PDE1B: variants seen among roughly 807,000 people sequenced by gnomAD.
PDE1B encodes phosphodiesterase 1B, also known as dual specificity calcium/calmodulin-dependent 3',5'-cyclic nucleotide phosphodiesterase 1B.
PDE1B carries 13 observed loss-of-function variants against 66.7 expected under a neutral mutation model. That is an observed-to-expected ratio of 0.19 (90% CI 0.13 to 0.31). The LOEUF (loss-of-function observed/expected upper bound fraction) is 0.31, where lower values mean the gene tolerates loss of function less well. Ranked by LOEUF, PDE1B falls within the 10% of genes least tolerant of loss-of-function variation. The pLI, the probability that PDE1B is intolerant of heterozygous loss-of-function variation, is 1.00. For missense variants in PDE1B, 485 were observed against 682.3 expected (o/e 0.71, Z 3.22); for synonymous variants, 230 against 253.9 (o/e 0.91, Z 0.90).
chr12:54,570,556 T>C (rs1471596157), intron 6 of PDE1B, 199 bp downstream of exon 6: 1 of 564,774 alleles, frequency 1.8e-6, no homozygotes, highest in Non-Finnish European at 3.2e-6. Context: ...AATTGATTTC[T>C]AGGGGGAGAT....
Position 54,575,351 on chromosome 12 carries a change from G to GA in PDE1B, c.1185+133_1185+134insA. 1.2e-6 allele frequency: 1 copy of GA among 852,268 alleles called. No individual in the cohort carries two copies. The highest frequency in any genetic ancestry group is 1.9e-6 in the Non-Finnish European group (1 of 514,500). The allele number at this position is 852,268 out of a possible 1,614,324, so 52.8% of individuals were successfully genotyped here. On this transcript the variant is annotated intron_variant, in intron 11 of 15. Transcript: ENST00000243052. This position sits in a 1 kb window ranked among gnomAD's most constrained non-coding sequence, Gnocchi z 4.0. Reference sequence around the variant, plus strand: ...TCTGACCTGATCCCAAATCCTTGGGGTAAAACCCCATTATCCTAAAAGCCT... The same window carrying GA: ...TCTGACCTGATCCCAAATCCTTGGGGATAAAACCCCATTATCCTAAAAGCCT...
chr12:54,561,767 T>C (rs1592371205), intron 2 of PDE1B: 4 of 480,820 alleles, frequency 8.3e-6, no homozygotes, highest in East Asian at 3.2e-5. Flanking sequence ...TGTGCGTGTG[T>C]GTGTGTGTGT....
intron 2 of PDE1B, among the ~76,000 whole-genome samples, chr12:54,564,413 C>T (rs1957477029): frequency 6.6e-6 from 1 of 151,402 alleles, no homozygotes; most frequent in African/African-American, 2.4e-5. Flanking sequence ...GGGAGGATCA[C>T]TTGAGGCCAG....
At chr12:54,574,974 CA>C (rs35584396) in intron 10 of PDE1B, 123 bp from the exon 11 acceptor site, 61,140 of 430,998 alleles carry the variant, frequency 0.14, 1 homozygote, top group Middle Eastern at 0.18. Context: ...GACCCTGTCT[CA>C]AAAAAAAAAA....
chr12:54,573,650 C>T lies in PDE1B; in HGVS notation c.1005C>T (p.Asp335=), dbSNP rs1957659920. The T allele has an allele frequency of 1.2e-6, 2 of 1,614,148 alleles. No individual in the cohort carries two copies. Among genetic ancestry groups the T allele is most frequent in the Non-Finnish European group, 1.7e-6 (2 of 1,180,034 alleles). Residue 335 remains aspartate, a synonymous_variant, in exon 10 of 16, where the codon GAC becomes GAT. Transcript: ENST00000243052. This position sits in a 1 kb window ranked among gnomAD's most constrained non-coding sequence, Gnocchi z 5.2. ...ALVIEMVLAT[D]MSCHFQQVKT... ...TCATTGAGATGGTGTTGGCCACAGA[C>T]ATGTCCTGCCATTTCCAGCAAGTGA...
Position 54,576,629 on chromosome 12 carries a change from G to A in PDE1B, c.1435G>A (p.Val479Ile), listed in dbSNP as rs1293548411. 3.1e-6 allele frequency: 5 copies of A among 1,613,948 alleles called. No individual in the cohort carries two copies. The Admixed American group carries it at 5.0e-5, about 16-fold the overall frequency. Residue 479 changes from valine to isoleucine, a missense_variant, in exon 14 of 16, where the codon GTC (valine) becomes ATC (isoleucine). Around this residue, in one of 4 missense-constraint regions of PDE1B, gnomAD observed 126 missense variants for 133.8 expected, o/e 0.94. Coordinates refer to ENST00000243052, the MANE Select transcript of PDE1B (RefSeq NM_000924.4). Reference sequence around the variant, plus strand: ...AGTGGGAGACCCCAACCCTGATGTGGTCAGCTTTCGTTCCACCTGGGTCAA... The same window carrying A: ...AGTGGGAGACCCCAACCCTGATGTGATCAGCTTTCGTTCCACCTGGGTCAA... Reference protein sequence around the residue: ...VEVGDPNPDVVSFRSTWVKRI... With the variant: ...VEVGDPNPDVISFRSTWVKRI...
intron 10 of PDE1B, chr12:54,574,736 C>T (rs1365973163): frequency 6.2e-5 from 11 of 177,886 alleles, no homozygotes; most frequent in Middle Eastern, 2.5e-3. Context: ...TTTGGGAGGC[C>T]GAGGCAGGTG....
chr12:54,569,262 C>T lies in PDE1B; in HGVS notation c.306C>T (p.Ala102=), dbSNP rs1464899438. The change falls in exon 4 of 16, where the codon GCC becomes GCT. Residue 102 remains alanine (A), a synonymous_variant. Coordinates refer to ENST00000243052, the MANE Select transcript of PDE1B (RefSeq NM_000924.4). The surrounding 1 kb of genome is among the most constrained non-coding windows in gnomAD (Gnocchi z 4.4). ...AVPSEVRDWL[A]STFTQQARAK... is the part of the protein sequence containing the mutation. The stretch of plus-strand genomic sequence containing the variant: ...CTTCGGAGGTGCGGGACTGGCTGGC[C>T]TCCACCTTCACCCAGCAGGCCCGGG... The T allele has an allele frequency of 1.9e-6, 3 of 1,613,930 alleles. No homozygotes were observed. Among genetic ancestry groups the T allele is most frequent in the African/African-American group, 2.7e-5 (2 of 74,930 alleles).
Position 54,575,187 on chromosome 12 carries a change from C to A in PDE1B, c.1154C>A (p.Thr385Asn). Residue 385 changes from threonine (T) to asparagine (N), a missense_variant, in exon 11 of 16, where the codon ACC becomes AAC. Thr to Asn is a moderately conservative substitution (Grantham distance 65, BLOSUM62 0). Coordinates refer to ENST00000243052, the MANE Select transcript of PDE1B (RefSeq NM_000924.4). The surrounding 1 kb of genome is among the most constrained non-coding windows in gnomAD (Gnocchi z 4.0). ...TKQWLVHSRW[T>N]KALMEEFFRQ... The stretch of plus-strand genomic sequence containing the variant: ...CAGTGGTTGGTCCACAGCCGTTGGA[C>A]CAAGGCCCTCATGGAGGAATTCTTC... 1.9e-6 allele frequency: 3 copies of A among 1,613,452 alleles called. No homozygotes were observed. Among genetic ancestry groups the A allele is most frequent in the Non-Finnish European group, 2.5e-6 (3 of 1,179,490 alleles).
At position 54,569,206 on chromosome 12, in the gene PDE1B, G is replaced by A. The variant is rs1340465726; in HGVS notation, c.250G>A (p.Glu84Lys). The change falls in exon 4 of 16, where the codon GAG becomes AAG. Residue 84 changes from glutamate to lysine, a missense_variant. This residue lies in a region of PDE1B where 282 missense variants were observed against 453.4 expected (regional missense o/e 0.62). Transcript: ENST00000243052. The surrounding 1 kb of genome is among the most constrained non-coding windows in gnomAD (Gnocchi z 4.4). The part of the protein sequence containing the change: ...ETRQILDTED[E>K]LQELRSDAVP... ...CAGGCAAATCTTGGACACGGAGGAC[G>A]AGCTGCAGGAGCTGCGGTCAGATGC... 1 of 1,609,070 alleles carries A rather than the reference G, an allele frequency of 6.2e-7. No homozygotes were observed. Among genetic ancestry groups the A allele is most frequent in the Admixed American group, 1.7e-5 (1 of 59,502 alleles).
At chr12:54,577,100 G>T in intron 14 of PDE1B, 125 bp from the exon 15 acceptor site, 1 of 841,250 alleles carries the variant, frequency 1.2e-6, no homozygotes, top group Non-Finnish European at 1.9e-6. Flanking sequence ...GGGATGGGTT[G>T]AATGTAGTTC....
At chr12:54,561,494 A>G in intron 2 of PDE1B, 4 of 1,384,296 alleles carry the variant, frequency 2.9e-6, no homozygotes, top group African/African-American at 1.5e-5. Flanking sequence ...GGAGGAAGGC[A>G]GGGGCCAAAG....
chr12:54,573,045 G>A lies in PDE1B; in HGVS notation c.736-103G>A. 2 of 880,770 alleles carry A rather than the reference G, an allele frequency of 2.3e-6. No homozygotes were observed. The highest frequency in any genetic ancestry group is 1.5e-5 in the South Asian group (1 of 68,608). 54.6% of individuals were successfully genotyped at this position (880,770 alleles called of 1,614,324 possible). A position where few individuals can be genotyped will look rare whatever the true frequency, so the allele number is the denominator to read the frequency against. On this transcript the variant is annotated intron_variant, in intron 7 of 15. Coordinates refer to ENST00000243052, the MANE Select transcript of PDE1B (RefSeq NM_000924.4). The surrounding 1 kb of genome is among the most constrained non-coding windows in gnomAD (Gnocchi z 5.2). Reference sequence around the variant, plus strand: ...GCATTAACCAAGAGCTGGCCTGGAAGCATGGAAGGGATGGGATGAGTGATC... The same window carrying A: ...GCATTAACCAAGAGCTGGCCTGGAAACATGGAAGGGATGGGATGAGTGATC...
chr12:54,568,525 AATG>A (rs1160675856), intron 3 of PDE1B, among the ~76,000 whole-genome samples: 2 of 147,792 alleles, frequency 1.4e-5, no homozygotes, highest in African/African-American at 5.1e-5. Flanking sequence ...TTCATGTTGA[AATG>A]ATATTTTGGA....
Position 54,569,129 on chromosome 12 carries a change from A to G in PDE1B, c.228-55A>G. The G allele has an allele frequency of 6.4e-7, 1 of 1,550,990 alleles. No homozygotes were observed. The highest frequency in any genetic ancestry group is 8.7e-7 in the Non-Finnish European group (1 of 1,145,002). ...GGGTATGGCTGGGTACAGGGTCTCT[A>G]GGCTGTGGAAGCACCTGCTGTCTTT... On this transcript the variant is annotated intron_variant, in intron 3 of 15. Coordinates refer to ENST00000243052, the MANE Select transcript of PDE1B (RefSeq NM_000924.4). This position sits in a 1 kb window ranked among gnomAD's most constrained non-coding sequence, Gnocchi z 4.4.
At position 54,572,672 on chromosome 12, in the gene PDE1B, C is replaced by A. The variant is rs146735076; in HGVS notation, c.666C>A (p.Tyr222Ter). The change falls in exon 7 of 16, where the codon TAC becomes TAA. Residue 222 changes from tyrosine (Y) to a stop codon, truncating the protein, a stop_gained. Transcript: ENST00000243052. LOFTEE classifies it high-confidence loss of function. Reference sequence around the variant, plus strand: ...GCTATGGGAAGTACAAGAATCCTTACCACAACCAGATCCACGCAGCCGATG... The same window carrying A: ...GCTATGGGAAGTACAAGAATCCTTAACACAACCAGATCCACGCAGCCGATG... Reference protein sequence around the residue: ...ETGYGKYKNPYHNQIHAADVT... With the variant: ...ETGYGKYKNP The A allele has an allele frequency of 6.2e-7, 1 of 1,613,972 alleles. No individual in the cohort carries two copies. The highest frequency in any genetic ancestry group is 8.5e-7 in the Non-Finnish European group (1 of 1,179,852).
chr12:54,559,594 G>T (rs1056437719), intron 2 of PDE1B, among the ~76,000 whole-genome samples: 9 of 152,100 alleles, frequency 5.9e-5, no homozygotes, highest in Admixed American at 1.3e-4. Context: ...ATAATAACAG[G>T]CTAGGGCAAA....
rs759250318 is a variant in PDE1B at position 54,577,282 on chromosome 12, C to G, written c.1565C>G (p.Pro522Arg). ...TCCCCCTGTGAAGAAGAGGCCCCCCCATCCCCTGCCGAAGATGAACACAAC... is the reference window on the plus strand; with the variant it reads ...TCCCCCTGTGAAGAAGAGGCCCCCCGATCCCCTGCCGAAGATGAACACAAC... ...ELSPCEEEAP[P>R]SPAEDEHNQN... The change falls in exon 15 of 16, where the codon CCA (proline) becomes CGA (arginine). Residue 522 changes from proline (P) to arginine (R), a missense_variant. Transcript: ENST00000243052. 1.2e-6 allele frequency: 2 copies of G among 1,614,052 alleles called. No homozygotes were observed. The highest frequency in any genetic ancestry group is 2.2e-5 in the South Asian group (2 of 91,076).
intron 2 of PDE1B, among the ~76,000 whole-genome samples, chr12:54,552,150 A>G (rs1261929096): frequency 6.6e-6 from 1 of 152,120 alleles, no homozygotes; most frequent in African/African-American, 2.4e-5. Flanking sequence ...TGCCTTTTTG[A>G]ATATTGGGGA....
Sources: allele counts gnomAD v4.1 joint callset (sites outside exome capture counted in the v4.1 genomes callset), GRCh38; gene constraint gnomAD v4.1.1; regional missense constraint gnomAD v4.1.1; non-coding constraint Gnocchi (gnomAD v3.1); transcripts MANE v1.5; gene names NCBI Gene and HGNC (gene_info 2026-07-23, HGNC 2026-07-21).